The following KYAT1 variants were observed in gnomAD, a reference collection of about 807,000 sequenced individuals.
The protein encoded by KYAT1 is kynurenine--oxoglutarate transaminase 1.
A neutral mutation model predicts 52.4 loss-of-function variants in KYAT1; 47 were observed. The observed-to-expected ratio is 0.90, with a 90% CI of 0.71 to 1.14. The LOEUF (loss-of-function observed/expected upper bound fraction) is 1.14, where lower values mean the gene tolerates loss of function less well. Ranked by LOEUF, KYAT1 falls within the 50% of genes most tolerant of loss-of-function variation. The pLI, the probability that KYAT1 is intolerant of heterozygous loss-of-function variation, is 0.00. For synonymous variants in KYAT1, 212 were observed against 209.6 expected, an observed-to-expected ratio of 1.01 and a Z score of -0.10; for missense variants, 480 against 557.9, an observed-to-expected ratio of 0.86 and a Z score of 1.41.
At chr9:128,844,294 A>AAG (rs1724614712) in intron 2 of KYAT1, among the ~76,000 whole-genome samples, 1 of 152,144 alleles carries the variant, frequency 6.6e-6, no homozygotes, top group African/African-American at 2.4e-5. Flanking sequence ...TGTATTCCCC[A>AAG]GCACTTTGGA....
At chr9:128,851,334 G>A (rs1833931367) in intron 1 of KYAT1, among the ~76,000 whole-genome samples, 1 of 152,130 alleles carries the variant, frequency 6.6e-6, no homozygotes, top group South Asian at 2.1e-4. Flanking sequence ...GTACGTCCAC[G>A]GTCAGCCTTG....
At position 128,845,652 on chromosome 9, in the gene KYAT1, G is replaced by A. The variant is rs527810829; in HGVS notation, c.-6-241C>T. 22 of 532,322 alleles carry A rather than the reference G, an allele frequency of 4.1e-5. No homozygotes were observed. In the South Asian group the frequency reaches 4.3e-4, roughly 10 times the overall value. 33.0% of individuals were successfully genotyped at this position (532,322 alleles called of 1,614,324 possible). A position where few individuals can be genotyped will look rare whatever the true frequency, so the allele number is the denominator to read the frequency against. The stretch of plus-strand genomic sequence containing the variant: ...GCCTCCACCTCCCCAACCTGCAGGG[G>A]CTGCCTGGCGCCTGCCCAGTGGAGA... On this transcript the variant is annotated intron_variant, in intron 1 of 12. Coordinates refer to ENST00000302586, the MANE Select transcript of KYAT1 (RefSeq NM_004059.5).
At chr9:128,854,647 G>A (rs980111549) in intron 1 of KYAT1, among the ~76,000 whole-genome samples, 9 of 152,206 alleles carry the variant, frequency 5.9e-5, no homozygotes, top group African/African-American at 2.2e-4. Context: ...TTGTATCAAT[G>A]GTGGTAAGTC....
intron 1 of KYAT1, among the ~76,000 whole-genome samples, chr9:128,857,136 G>A (rs540325505): frequency 5.5e-4 from 84 of 152,346 alleles, no homozygotes; most frequent in African/African-American, 1.8e-3. Context: ...TCCGGCCTAC[G>A]TGCACATGCA....
intron 1 of KYAT1, among the ~76,000 whole-genome samples, chr9:128,858,518 T>C (rs1834998544): frequency 6.8e-6 from 1 of 146,396 alleles, no homozygotes. Context: ...ACCAATATGA[T>C]GAAACCCCAT....
Position 128,845,387 on chromosome 9 carries a change from C to A in KYAT1, c.19G>T (p.Ala7Ser). 4 of 1,613,954 alleles carry A rather than the reference C, an allele frequency of 2.5e-6. No individual in the cohort carries two copies. The highest frequency in any genetic ancestry group is 2.5e-6 in the Non-Finnish European group (3 of 1,180,022). Reference protein sequence around the residue: MAKQLQARRLDGIDYNP... With the variant: MAKQLQSRRLDGIDYNP... The stretch of plus-strand genomic sequence containing the variant: ...TAGTCGATCCCGTCTAGCCTTCGGG[C>A]CTGCAGCTGTTTGGCCATGGCGAGC... The change falls in exon 2 of 13, where the codon GCC becomes TCC. Residue 7 changes from alanine to serine, a missense_variant. By Grantham distance (99) the Ala-to-Ser change is moderately conservative. Coordinates refer to ENST00000302586, the MANE Select transcript of KYAT1 (RefSeq NM_004059.5).
chr9:128,839,672 G>A (rs1022082803), intron 3 of KYAT1, among the ~76,000 whole-genome samples: 2 of 152,172 alleles, frequency 1.3e-5, no homozygotes, highest in Non-Finnish European at 1.5e-5. Context: ...TCAAGGCTAA[G>A]CCAAGTGATT....
At chr9:128,869,911 G>A (rs112608018) in intron 1 of KYAT1, among the ~76,000 whole-genome samples, 28 of 151,746 alleles carry the variant, frequency 1.8e-4, no homozygotes, top group African/African-American at 5.8e-4. Context: ...TCGCCACTAC[G>A]CCCAGCTAAT....
At chr9:128,880,445 ATT>A (rs201602581) in intron 1 of KYAT1, among the ~76,000 whole-genome samples, 11 of 143,356 alleles carry the variant, frequency 7.7e-5, no homozygotes, top group African/African-American at 7.6e-5. Flanking sequence ...CCTGGCTATG[ATT>A]TTTTTTTTTT....
intron 3 of KYAT1, among the ~76,000 whole-genome samples, chr9:128,842,335 C>T (rs1564459310): frequency 6.6e-6 from 1 of 152,206 alleles, no homozygotes; most frequent in Non-Finnish European, 1.5e-5. Flanking sequence ...TAAGTGTCAC[C>T]TCCTCCAGGA....
At chr9:128,834,117 G>T (rs1830581596) in intron 11 of KYAT1, among the ~76,000 whole-genome samples, 1 of 152,210 alleles carries the variant, frequency 6.6e-6, no homozygotes, top group Admixed American at 6.5e-5. Flanking sequence ...AATTGGCCGG[G>T]TGTGGTGGCG....
chr9:128,836,308 T>C (rs1470145006), intron 7 of KYAT1, among the ~76,000 whole-genome samples: 3 of 149,488 alleles, frequency 2.0e-5, no homozygotes, highest in Non-Finnish European at 4.5e-5. Context: ...CTTTGTTTTT[T>C]TTTTTTTTGA....
intron 1 of KYAT1, among the ~76,000 whole-genome samples, chr9:128,856,546 G>A (rs1834624913): frequency 6.6e-6 from 1 of 152,174 alleles, no homozygotes; most frequent in Admixed American, 6.6e-5. Flanking sequence ...TTGAACAATT[G>A]CTTTGCTGAG....
intron 1 of KYAT1, among the ~76,000 whole-genome samples, chr9:128,877,333 G>C (rs188306479): frequency 5.3e-5 from 8 of 152,170 alleles, no homozygotes; most frequent in African/African-American, 1.7e-4. Flanking sequence ...TGTCCACCCA[G>C]GCCCTTTGCT....
At chr9:128,857,105 T>C (rs781035006) in intron 1 of KYAT1, among the ~76,000 whole-genome samples, 6 of 152,194 alleles carry the variant, frequency 3.9e-5, no homozygotes, top group Non-Finnish European at 8.8e-5. Context: ...ACTGAGATGT[T>C]TGGGCGGGGA....
At chr9:128,865,573 G>A (rs1836259898) in intron 1 of KYAT1, among the ~76,000 whole-genome samples, 2 of 150,712 alleles carry the variant, frequency 1.3e-5, no homozygotes, top group South Asian at 4.2e-4. Context: ...CGTTGTCCAG[G>A]CTGGTCTCAA....
chr9:128,861,795 G>A (rs1378754287), intron 1 of KYAT1, among the ~76,000 whole-genome samples: 1 of 152,226 alleles, frequency 6.6e-6, no homozygotes, highest in African/African-American at 2.4e-5. Flanking sequence ...CAAGCCCAGG[G>A]CTGGTCATGG....
Position 128,833,304 on chromosome 9 carries a change from C to T in KYAT1, c.*280G>A. 3.5e-6 allele frequency: 2 copies of T among 569,264 alleles called. No homozygotes were observed. The highest frequency in any genetic ancestry group is 6.3e-6 in the Non-Finnish European group (2 of 318,806). The allele number at this position is 569,264 out of a possible 1,614,324, so 35.3% of individuals were successfully genotyped here. A position where few individuals can be genotyped will look rare whatever the true frequency, so the allele number is the denominator to read the frequency against. ...AAGTCTACCGTCCGTCTCAGCCAAGCCTGGAGAGACCAGAAGCAACACAAG... is the reference window on the plus strand; with the variant it reads ...AAGTCTACCGTCCGTCTCAGCCAAGTCTGGAGAGACCAGAAGCAACACAAG... On this transcript the variant is annotated 3_prime_UTR_variant, in exon 13 of 13. Coordinates refer to ENST00000302586, the MANE Select transcript of KYAT1 (RefSeq NM_004059.5).
chr9:128,840,632 TGGATCAAAG>T, intron 3 of KYAT1: 1 of 444,026 alleles, frequency 2.3e-6, no homozygotes, highest in Non-Finnish European at 4.5e-6. Context: ...TTTTTTTTTT[TGGATCAAAG>T]AAGGAACTTT....
Sources: allele counts gnomAD v4.1 joint callset (sites outside exome capture counted in the v4.1 genomes callset), GRCh38; gene constraint gnomAD v4.1.1; transcripts MANE v1.5; gene names NCBI Gene and HGNC (gene_info 2026-07-23, HGNC 2026-07-21).